Variants in HIPK2 observed in about 807,000 individuals in gnomAD.
HIPK2 encodes the protein homeodomain-interacting protein kinase 2.
In HIPK2, 27 loss-of-function variants were observed where a neutral mutation model predicts 113.7. That is an observed-to-expected ratio of 0.24 (90% CI 0.17 to 0.33). The LOEUF (loss-of-function observed/expected upper bound fraction) is 0.33, where lower values mean the gene tolerates loss of function less well. Among genes scored for constraint, HIPK2 ranks in the 10% least tolerant of loss-of-function variants. The pLI is 1.00. For synonymous variants in HIPK2, 631 were observed against 642.2 expected (o/e 0.98, Z 0.26); for missense variants, 1,257 against 1,588.0 (o/e 0.79, Z 3.54).
At chr7:139,577,873 T>C (rs1469461448) in intron 13 of HIPK2, among the ~76,000 whole-genome samples, 1 of 151,956 alleles carries the variant, frequency 6.6e-6, no homozygotes, top group Admixed American at 6.6e-5. Context: ...TTTTTTGAGA[T>C]GGAGTCTTGC....
intron 1 of HIPK2, among the ~76,000 whole-genome samples, chr7:139,772,822 C>T (rs1245447329): frequency 5.3e-5 from 8 of 151,366 alleles, no homozygotes; most frequent in Admixed American, 5.3e-4. Flanking sequence ...TCTCGAACTC[C>T]TGATCCACCC....
intron 13 of HIPK2, among the ~76,000 whole-genome samples, chr7:139,575,813 G>A (rs866255960): frequency 6.6e-6 from 1 of 152,212 alleles, no homozygotes; most frequent in African/African-American, 2.4e-5. Context: ...GTTAGCTATT[G>A]AGAGATTGGC....
intron 10 of HIPK2, among the ~76,000 whole-genome samples, chr7:139,601,489 TG>T (rs1232560444): frequency 6.6e-6 from 1 of 152,236 alleles, no homozygotes; most frequent in Non-Finnish European, 1.5e-5. Flanking sequence ...CCTCAGTGGC[TG>T]GAACAATGCT....
At chr7:139,612,899 A>C (rs1799888417) in intron 9 of HIPK2, among the ~76,000 whole-genome samples, 1 of 152,222 alleles carries the variant, frequency 6.6e-6, no homozygotes, top group Non-Finnish European at 1.5e-5. Flanking sequence ...GCCTTAGGTC[A>C]TAGACAAGTT....
At chr7:139,660,144 C>G (rs920073707) in intron 2 of HIPK2, among the ~76,000 whole-genome samples, 2 of 152,152 alleles carry the variant, frequency 1.3e-5, no homozygotes, top group East Asian at 1.9e-4. Flanking sequence ...CTGGTTGTAG[C>G]CCAACTGGTC....
intron 1 of HIPK2, among the ~76,000 whole-genome samples, chr7:139,740,204 C>T (rs1362229142): frequency 1.3e-5 from 2 of 152,176 alleles, no homozygotes; most frequent in Non-Finnish European, 2.9e-5. Flanking sequence ...GAGATGCTGC[C>T]CTTCTGTCCT....
intron 1 of HIPK2, among the ~76,000 whole-genome samples, chr7:139,771,017 T>G (rs1020768569): frequency 6.6e-6 from 1 of 152,194 alleles, no homozygotes; most frequent in Non-Finnish European, 1.5e-5. Flanking sequence ...TGCAGTGATG[T>G]CGTTCATTAC....
chr7:139,669,137 G>T (rs1357705757), intron 2 of HIPK2, among the ~76,000 whole-genome samples: 1 of 152,132 alleles, frequency 6.6e-6, no homozygotes, highest in Non-Finnish European at 1.5e-5. Flanking sequence ...AAAAACTGAG[G>T]ACTTATCATT....
Position 139,573,303 on chromosome 7 carries a change from G to C in HIPK2, c.3221C>G (p.Pro1074Arg). Residue 1074 changes from proline (P) to arginine (R), a missense_variant, in exon 15 of 15, where the codon CCG becomes CGG. Physicochemically the swap from Pro to Arg is moderately radical, Grantham distance 103. Transcript: ENST00000406875. ...AGTGCCGTGGCTGGGGCTGTTGTGC[G>C]GGAAGGAGTACGGAGCCTGGGCCAT... ...PTMAQAPYSF[P>R]HNSPSHGTVH... The C allele has an allele frequency of 1.2e-6, 2 of 1,605,176 alleles. No individual in the cohort carries two copies. The highest frequency in any genetic ancestry group is 1.7e-6 in the Non-Finnish European group (2 of 1,179,826).
In HIPK2 at chr7:139,575,746, G is replaced by A. The variant is rs556014625; in HGVS notation, c.2966-458C>T. ...CAGTAAGGGATGTTAGGTCCTGAGG[G>A]CAGAGCCCTCATGAGTGTATGAGTT... On this transcript the variant is annotated intron_variant, in intron 13 of 14. Coordinates refer to ENST00000406875, the MANE Select transcript of HIPK2 (RefSeq NM_022740.5). Among the ~76,000 whole-genome samples, 247 of 152,360 alleles carry A rather than the reference G, an allele frequency of 1.6e-3. 4 individuals are homozygous for A. The highest frequency in any genetic ancestry group is 0.016 in the South Asian group (75 of 4,828).
intron 2 of HIPK2, among the ~76,000 whole-genome samples, chr7:139,682,913 G>T (rs1794091669): frequency 6.6e-6 from 1 of 152,188 alleles, no homozygotes; most frequent in African/African-American, 2.4e-5. Flanking sequence ...TAGGACAGTG[G>T]AGGGCCCCCT....
chr7:139,768,524 C>T lies in HIPK2; in HGVS notation c.19+9081G>A, dbSNP rs184770795. The stretch of plus-strand genomic sequence containing the variant: ...ACTCATCATGATCGTACTGACTTCT[C>T]TCCTGTGATTTTTGTTGTTGTTGTT... On this transcript the variant is annotated intron_variant, in intron 1 of 14. Coordinates refer to ENST00000406875, the MANE Select transcript of HIPK2 (RefSeq NM_022740.5). 1.1e-4 allele frequency among the ~76,000 whole-genome samples: 16 copies of T among 152,260 alleles called. 1 individual carries two copies. The East Asian group carries it at 3.1e-3, about 29-fold the overall frequency.
In HIPK2 at chr7:139,631,136, G is replaced by C; in HGVS notation, c.1347+29C>G. The C allele has an allele frequency of 6.3e-7, 1 of 1,594,266 alleles. No homozygotes were observed. The highest frequency in any genetic ancestry group is 8.5e-7 in the Non-Finnish European group (1 of 1,169,796). On this transcript the variant is annotated intron_variant, in intron 4 of 14. Transcript: ENST00000406875. This position sits in a 1 kb window ranked among gnomAD's most constrained non-coding sequence, Gnocchi z 4.9. ...CCTCTTCCCTAAGCGCTGGGCCACT[G>C]TGAGGAGTGGAGGAGACGCTCTTCC...
chr7:139,688,694 C>A (rs1225983092), intron 2 of HIPK2, among the ~76,000 whole-genome samples: 1 of 152,136 alleles, frequency 6.6e-6, no homozygotes, highest in African/African-American at 2.4e-5. Flanking sequence ...AATCATATGC[C>A]TCAATTGACT....
chr7:139,775,989 C>G (rs1166860532), intron 1 of HIPK2, among the ~76,000 whole-genome samples: 1 of 152,164 alleles, frequency 6.6e-6, no homozygotes, highest in Non-Finnish European at 1.5e-5. Flanking sequence ...CAGAGGGAGT[C>G]TCAAGGAGGT....
rs138584629 is a variant in HIPK2 at position 139,600,970 on chromosome 7, T to G, written c.2256-374A>C. On this transcript the variant is annotated intron_variant, in intron 10 of 14. Coordinates refer to ENST00000406875, the MANE Select transcript of HIPK2 (RefSeq NM_022740.5). ...TATTTTAGAATTTACAGGCCAGGTA[T>G]GGTGGCTCACACCTGTAATCCCAGC... Among the ~76,000 whole-genome samples the G allele has an allele frequency of 4.6e-5, 7 of 152,264 alleles. No homozygotes were observed. The East Asian group carries it at 1.3e-3, about 29-fold the overall frequency.
intron 7 of HIPK2, among the ~76,000 whole-genome samples, chr7:139,617,875 T>C (rs1800110497): frequency 6.6e-6 from 1 of 152,224 alleles, no homozygotes; most frequent in Non-Finnish European, 1.5e-5. Context: ...GGCAAACAGC[T>C]CCAAGGAGCT....
At chr7:139,587,658 C>T (rs952139303) in intron 12 of HIPK2, among the ~76,000 whole-genome samples, 2 of 151,898 alleles carry the variant, frequency 1.3e-5, no homozygotes, top group African/African-American at 4.8e-5. Flanking sequence ...GTAATCCCAG[C>T]GCTTGAGGCC....
At chr7:139,706,622 A>G (rs1794906541) in intron 2 of HIPK2, among the ~76,000 whole-genome samples, 1 of 152,208 alleles carries the variant, frequency 6.6e-6, no homozygotes. Flanking sequence ...CTTGTATTTC[A>G]GCTTTCAGCC....
Sources: allele counts gnomAD v4.1 joint callset (sites outside exome capture counted in the v4.1 genomes callset), GRCh38; gene constraint gnomAD v4.1.1; non-coding constraint Gnocchi (gnomAD v3.1); transcripts MANE v1.5; gene names NCBI Gene and HGNC (gene_info 2026-07-23, HGNC 2026-07-21).